RELN: variants seen among roughly 807,000 people sequenced by gnomAD.
RELN encodes reelin.
A neutral mutation model predicts 427.6 loss-of-function variants in RELN; 108 were observed. That is an observed-to-expected ratio of 0.25 (90% CI 0.22 to 0.30). The LOEUF (loss-of-function observed/expected upper bound fraction) is 0.30, where lower values mean the gene tolerates loss of function less well. Ranked by LOEUF, RELN falls within the 10% of genes least tolerant of loss-of-function variation. The pLI, the probability that RELN is intolerant of heterozygous loss-of-function variation, is 1.00. For missense variants in RELN, 3,715 were observed against 4,302.8 expected (o/e 0.86, Z 3.82); for synonymous variants, 1,524 against 1,513.4 (o/e 1.01, Z -0.16).
Position 103,498,091 on chromosome 7 carries a change from A to T in RELN, c.8829T>A (p.Asp2943Glu). Residue 2943 changes from aspartate (D) to glutamate (E), a missense_variant, in exon 54 of 65, where the codon GAT (aspartate) becomes GAA (glutamate). By Grantham distance (45) the Asp-to-Glu change is conservative. This residue lies in a region of RELN where 1,310 missense variants were observed against 1,643.0 expected (regional missense o/e 0.80). Transcript: ENST00000428762. The stretch of plus-strand genomic sequence containing the variant: ...AATTCACTTACTTTGCACCTCGAAG[A>T]TCCAAATCTTGTGTAACCGCTTGTC... Reference protein sequence around the residue: ...TVRQAVTQDLDLRGAKFLQYW... With the variant: ...TVRQAVTQDLELRGAKFLQYW... 6.2e-7 allele frequency: 1 copy of T among 1,614,192 alleles called. No homozygotes were observed. The highest frequency in any genetic ancestry group is 1.3e-5 in the African/African-American group (1 of 75,056).
Position 103,561,959 on chromosome 7 carries a change from C to CA in RELN, c.5211-7dup, listed in dbSNP as rs34125550. On this transcript the variant is annotated splice_region_variant and splice_polypyrimidine_tract_variant and intron_variant, in intron 34 of 64. Transcript: ENST00000428762. ...TGAACCGGGTCCTGGGAGAACTAAC[C>CA]AAAAAAAAAAAAAAAAAAACACACC... The CA allele has an allele frequency of 0.12, 149,663 of 1,260,140 alleles. 1,008 individuals carry two copies. Among genetic ancestry groups the CA allele is most frequent in the Non-Finnish European group, 0.12 (118,898 of 978,288 alleles). 78.1% of individuals were successfully genotyped at this position (1,260,140 alleles called of 1,614,324 possible). A position where few individuals can be genotyped will look rare whatever the true frequency, so the allele number is the denominator to read the frequency against.
In RELN at chr7:103,607,184, T is replaced by G. The variant is rs186586398; in HGVS notation, c.3009-2701A>C. 6.3e-4 allele frequency among the ~76,000 whole-genome samples: 96 copies of G among 152,058 alleles called. 1 individual carries two copies. The highest frequency in any genetic ancestry group is 4.7e-4 in the Non-Finnish European group (32 of 67,966). ...GGGTGCAGCACACCAACATGGCACA[T>G]GTATACATATGTAACAAACCTGCAC... is the stretch of plus-strand genomic sequence containing the variant. On this transcript the variant is annotated intron_variant, in intron 22 of 64. Coordinates refer to ENST00000428762, the MANE Select transcript of RELN (RefSeq NM_005045.4).
intron 41 of RELN, among the ~76,000 whole-genome samples, chr7:103,546,139 AAC>A (rs1830291241): frequency 6.6e-6 from 1 of 152,172 alleles, no homozygotes; most frequent in Admixed American, 6.5e-5. Context: ...ATGCCCACTG[AAC>A]AGTTTTCCCC....
At chr7:103,812,576 C>T (rs1479840329) in intron 3 of RELN, among the ~76,000 whole-genome samples, 1 of 152,174 alleles carries the variant, frequency 6.6e-6, no homozygotes, top group Non-Finnish European at 1.5e-5. Flanking sequence ...TCTTCTATTG[C>T]AGTTTATAGC....
chr7:103,794,056 A>G (rs762402222), intron 3 of RELN, among the ~76,000 whole-genome samples: 2 of 152,154 alleles, frequency 1.3e-5, no homozygotes, highest in African/African-American at 2.4e-5. Context: ...CATGAGCCAC[A>G]GTGCCTGGCC....
chr7:103,932,027 C>A (rs1344347446), intron 1 of RELN, among the ~76,000 whole-genome samples: 1 of 152,196 alleles, frequency 6.6e-6, no homozygotes, highest in Non-Finnish European at 1.5e-5. Context: ...CCAGCAATCC[C>A]ACTACTGGGT....
At chr7:103,866,005 C>G (rs566103284) in intron 2 of RELN, among the ~76,000 whole-genome samples, 1 of 152,174 alleles carries the variant, frequency 6.6e-6, no homozygotes, top group African/African-American at 2.4e-5. Flanking sequence ...TACCTAACCA[C>G]TTGAGTTCAG....
chr7:103,945,190 AG>A (rs1005447070), intron 1 of RELN, among the ~76,000 whole-genome samples: 6 of 152,176 alleles, frequency 3.9e-5, no homozygotes, highest in African/African-American at 1.2e-4. Context: ...AAGACCTACA[AG>A]GGGAAAGAAC....
At chr7:103,698,297 A>G (rs1277184544) in intron 9 of RELN, among the ~76,000 whole-genome samples, 1 of 152,200 alleles carries the variant, frequency 6.6e-6, no homozygotes, top group Non-Finnish European at 1.5e-5. Context: ...CAGTTCAAGT[A>G]TTAAATACCT....
At chr7:103,915,062 G>A (rs149080845) in intron 2 of RELN, among the ~76,000 whole-genome samples, 181 of 152,112 alleles carry the variant, frequency 1.2e-3, no homozygotes, top group African/African-American at 3.8e-3. Flanking sequence ...CTATCTAGCC[G>A]TATCCCCTTC....
chr7:103,667,289 T>G (rs182996012), intron 11 of RELN, among the ~76,000 whole-genome samples: 1 of 152,280 alleles, frequency 6.6e-6, no homozygotes, highest in Non-Finnish European at 1.5e-5. Flanking sequence ...TCATCAGGAG[T>G]GTTAACAAAT....
At chr7:103,823,170 A>G (rs1793051124) in intron 3 of RELN, among the ~76,000 whole-genome samples, 1 of 151,984 alleles carries the variant, frequency 6.6e-6, no homozygotes, top group African/African-American at 2.4e-5. Context: ...ACCTTTGGTT[A>G]GCACTTGCCT....
At chr7:103,977,310 C>CAAAAA (rs201026012) in intron 1 of RELN, among the ~76,000 whole-genome samples, 46 of 88,250 alleles carry the variant, frequency 5.2e-4, no homozygotes, top group African/African-American at 2.3e-3. Flanking sequence ...GACTCTGTCT[C>CAAAAA]AAAAAAAAAA....
intron 28 of RELN, among the ~76,000 whole-genome samples, chr7:103,577,183 A>G (rs777108228): frequency 1.3e-5 from 2 of 152,206 alleles, no homozygotes; most frequent in Non-Finnish European, 2.9e-5. Flanking sequence ...ACTGTAGATA[A>G]AGACAGCTCC....
chr7:103,872,056 T>TA lies in RELN; in HGVS notation c.338-38385_338-38384insT, dbSNP rs1225964710. On this transcript the variant is annotated intron_variant, in intron 2 of 64. Coordinates refer to ENST00000428762, the MANE Select transcript of RELN (RefSeq NM_005045.4). Reference sequence around the variant, plus strand: ...TTTTTCTTTTTTCTTTTTTTTCTTTTTTTATTTATTTATTTTTTTATTATA... The same window carrying TA: ...TTTTTCTTTTTTCTTTTTTTTCTTTTATTTATTTATTTATTTTTTTATTATA... Among the ~76,000 whole-genome samples the TA allele has an allele frequency of 2.9e-3, 431 of 146,368 alleles. 2 individuals carry two copies. Among genetic ancestry groups the TA allele is most frequent in the East Asian group, 0.017 (84 of 4,954 alleles).
intron 3 of RELN, among the ~76,000 whole-genome samples, chr7:103,780,970 C>A: frequency 6.6e-6 from 1 of 152,148 alleles, no homozygotes; most frequent in East Asian, 1.9e-4. Context: ...TACGTGGATA[C>A]CCAATACACA....
chr7:103,682,065 A>G lies in RELN; in HGVS notation c.1289+51T>C, dbSNP rs1344494986. Reference sequence around the variant, plus strand: ...AATATGCATTTAAAACACGTCCAGTAGAATAAATGTAAGTGCTACATACAC... The same window carrying G: ...AATATGCATTTAAAACACGTCCAGTGGAATAAATGTAAGTGCTACATACAC... On this transcript the variant is annotated intron_variant, in intron 11 of 64. Coordinates refer to ENST00000428762, the MANE Select transcript of RELN (RefSeq NM_005045.4). 9.7e-6 allele frequency: 15 copies of G among 1,545,582 alleles called. No homozygotes were observed. In the Admixed American group the frequency reaches 2.5e-4, roughly 26 times the overall value.
At chr7:103,683,053 TAGAG>T (rs2115700763) in intron 10 of RELN, among the ~76,000 whole-genome samples, 1 of 152,168 alleles carries the variant, frequency 6.6e-6, no homozygotes, top group African/African-American at 2.4e-5. Context: ...AAGTCATATA[TAGAG>T]AGATGCTTGG....
chr7:103,703,278 G>A (rs1034722741), intron 8 of RELN, among the ~76,000 whole-genome samples: 7 of 152,050 alleles, frequency 4.6e-5, no homozygotes, highest in African/African-American at 1.2e-4. Context: ...CCCTACTCCC[G>A]CCCGGTGTAG....
Sources: allele counts gnomAD v4.1 joint callset (sites outside exome capture counted in the v4.1 genomes callset), GRCh38; gene constraint gnomAD v4.1.1; regional missense constraint gnomAD v4.1.1; transcripts MANE v1.5; gene names NCBI Gene and HGNC (gene_info 2026-07-23, HGNC 2026-07-21).